The following ZC2HC1B variants were observed in gnomAD, a reference collection of about 807,000 sequenced individuals.
The protein encoded by ZC2HC1B is zinc finger C2HC domain-containing protein 1B.
ZC2HC1B carries 36 observed loss-of-function variants against 31.0 expected under a neutral mutation model. The observed-to-expected ratio is 1.16, with a 90% confidence interval of 0.89 to 1.54. ZC2HC1B has a LOEUF of 1.54. Among genes scored for constraint, ZC2HC1B ranks in the 40% most tolerant of loss-of-function variants. The pLI is 0.00. For missense variants in ZC2HC1B, 260 were observed against 268.6 expected (o/e 0.97, Z 0.22); for synonymous variants, 73 against 88.0 (o/e 0.83, Z 0.95).
chr6:143,930,269 C>G (rs1359538577), intron 6 of ZC2HC1B, among the ~76,000 whole-genome samples: 1 of 150,652 alleles, frequency 6.6e-6, no homozygotes, highest in Non-Finnish European at 1.5e-5. Context: ...TATGTTGTGT[C>G]TCTGTTTCCT....
chr6:143,886,487 C>G lies in ZC2HC1B; in HGVS notation c.211-196C>G, dbSNP rs1246281389. 2.0e-5 allele frequency among the ~76,000 whole-genome samples: 3 copies of G among 151,934 alleles called. No homozygotes were observed. The highest frequency in any genetic ancestry group is 7.3e-5 in the African/African-American group (3 of 41,372). The stretch of plus-strand genomic sequence containing the variant: ...TTTTCTGATTTTTATTTTGTGTTTT[C>G]CCTCACTCTTGTGGCTTGCAAATTA... On this transcript the variant is annotated intron_variant, in intron 3 of 7. Coordinates refer to ENST00000237275, the MANE Select transcript of ZC2HC1B (RefSeq NM_001013623.3). This position sits in a 1 kb window ranked among gnomAD's most constrained non-coding sequence, Gnocchi z 4.2.
rs1433047592 is a variant in ZC2HC1B at position 143,933,658 on chromosome 6, C to T, written c.599-3991C>T. Among the ~76,000 whole-genome samples, 1 of 152,066 alleles carries T rather than the reference C, an allele frequency of 6.6e-6. No homozygotes were observed. The highest frequency in any genetic ancestry group is 1.9e-4 in the East Asian group (1 of 5,166). On this transcript the variant is annotated intron_variant, in intron 6 of 7. Coordinates refer to ENST00000237275, the MANE Select transcript of ZC2HC1B (RefSeq NM_001013623.3). This position sits in a 1 kb window ranked among gnomAD's most constrained non-coding sequence, Gnocchi z 6.4. Reference sequence around the variant, plus strand: ...CCAGCTCCCACACAGTTGGCAAGGCCAGTCTCACTCCCACCGTGCCCTGCT... The same window carrying T: ...CCAGCTCCCACACAGTTGGCAAGGCTAGTCTCACTCCCACCGTGCCCTGCT...
At chr6:143,925,017 G>C (rs959418841) in intron 6 of ZC2HC1B, among the ~76,000 whole-genome samples, 5 of 152,054 alleles carry the variant, frequency 3.3e-5, no homozygotes, top group African/African-American at 9.7e-5. Flanking sequence ...GAGTAAGGAA[G>C]AATTTCCTCC....
At chr6:143,876,947 C>G (rs1429007997) in intron 1 of ZC2HC1B, among the ~76,000 whole-genome samples, 2 of 150,612 alleles carry the variant, frequency 1.3e-5, no homozygotes, top group Non-Finnish European at 3.0e-5. Flanking sequence ...GTGTTAATCT[C>G]CTTTGGCAAC....
chr6:143,913,229 T>TACC lies in ZC2HC1B; in HGVS notation c.598+10078_598+10080dup, dbSNP rs74556150. On this transcript the variant is annotated intron_variant, in intron 6 of 7. Transcript: ENST00000237275. The surrounding 1 kb of genome is among the most constrained non-coding windows in gnomAD (Gnocchi z 5.7). ...GCTGGAGTGTCCAGCTAGAAGGTTC[T>TACC]ACCCAGTGAGGAAGAAGCAGTCTGG... is the stretch of plus-strand genomic sequence containing the variant. Among the ~76,000 whole-genome samples the TACC allele has an allele frequency of 2.4e-3, 367 of 152,294 alleles. 8 individuals are homozygous for TACC. In the East Asian group the frequency reaches 0.062, roughly 26 times the overall value.
At chr6:143,937,248 C>T (rs1287698170) in intron 6 of ZC2HC1B, among the ~76,000 whole-genome samples, 1 of 152,090 alleles carries the variant, frequency 6.6e-6, no homozygotes, top group East Asian at 1.9e-4. Flanking sequence ...CTTATGCTTC[C>T]GTAAGGCTTA....
chr6:143,882,334 TTA>T (rs59777839), intron 1 of ZC2HC1B, among the ~76,000 whole-genome samples: 16,245 of 85,502 alleles, frequency 0.19, 1,372 homozygotes, highest in South Asian at 0.22. Context: ...TTTATATTTT[TTA>T]TATATATATA....
chr6:143,925,165 C>CTTTTTTTTTTTTTTTTTTTTTTT (rs71024879), intron 6 of ZC2HC1B, among the ~76,000 whole-genome samples: 1 of 104,190 alleles, frequency 9.6e-6, no homozygotes, highest in Non-Finnish European at 1.9e-5. Context: ...AATCTCATTC[C>CTTTTTTTTTTTTTTTTTTTTTTT]TTTTTTTTTT....
At chr6:143,936,429 A>C (rs1778179388) in intron 6 of ZC2HC1B, among the ~76,000 whole-genome samples, 1 of 152,230 alleles carries the variant, frequency 6.6e-6, no homozygotes, top group African/African-American at 2.4e-5. Flanking sequence ...GGGTCCAAAA[A>C]TATAAATATT....
chr6:143,882,942 C>G (rs557158835), intron 1 of ZC2HC1B, among the ~76,000 whole-genome samples: 5 of 152,192 alleles, frequency 3.3e-5, no homozygotes, highest in Non-Finnish European at 7.3e-5. Context: ...CTCTTTGCCA[C>G]CTCCTAACTC....
At chr6:143,864,881 T>G (rs1051356331) in intron 1 of ZC2HC1B, among the ~76,000 whole-genome samples, 1 of 152,238 alleles carries the variant, frequency 6.6e-6, no homozygotes, top group African/African-American at 2.4e-5. Context: ...ATGTAAGTAC[T>G]AAAAGGATTG....
At chr6:143,926,828 C>CTTTTTTTT (rs774028763) in intron 6 of ZC2HC1B, among the ~76,000 whole-genome samples, 6 of 78,834 alleles carry the variant, frequency 7.6e-5, no homozygotes, top group Non-Finnish European at 1.5e-4. Flanking sequence ...ATTGTATCTT[C>CTTTTTTTT]TTTTTTTTTT....
intron 6 of ZC2HC1B, among the ~76,000 whole-genome samples, chr6:143,914,776 AAAGTTT>A (rs1483903621): frequency 6.6e-6 from 1 of 151,888 alleles, no homozygotes; most frequent in African/African-American, 2.4e-5. Context: ...TTTTTGACTT[AAAGTTT>A]ATTTTGTCTA....
intron 1 of ZC2HC1B, among the ~76,000 whole-genome samples, chr6:143,882,205 G>C (rs1379648739): frequency 1.3e-5 from 2 of 151,486 alleles, no homozygotes; most frequent in Non-Finnish European, 2.9e-5. Context: ...AAATGTTACT[G>C]TAATATTCAT....
At chr6:143,877,621 A>C (rs889001168) in intron 1 of ZC2HC1B, among the ~76,000 whole-genome samples, 16 of 145,216 alleles carry the variant, frequency 1.1e-4, no homozygotes, top group African/African-American at 4.1e-4. Context: ...TTTTCCTTTA[A>C]TTTTTTTTTT....
In ZC2HC1B at chr6:143,915,706, G is replaced by A. The variant is rs559395855; in HGVS notation, c.598+12554G>A. 1.1e-4 allele frequency among the ~76,000 whole-genome samples: 16 copies of A among 152,166 alleles called. No individual in the cohort carries two copies. Among genetic ancestry groups the A allele is most frequent in the Admixed American group, 2.6e-4 (4 of 15,286 alleles). On this transcript the variant is annotated intron_variant, in intron 6 of 7. Coordinates refer to ENST00000237275, the MANE Select transcript of ZC2HC1B (RefSeq NM_001013623.3). This position sits in a 1 kb window ranked among gnomAD's most constrained non-coding sequence, Gnocchi z 5.2. ...CAAAGGTTCCTCTTGTTATGTTTTA[G>A]CAAAGAGACTGGTGGCATTTTGCCC...
rs117728105 is a variant in ZC2HC1B at position 143,885,714 on chromosome 6, A to G, written c.91-318A>G. Reference sequence around the variant, plus strand: ...TAGCTCTTCAGTTTTTGTATCAGAAATGTTGAATACTTGAAGGACTACTGA... The same window carrying G: ...TAGCTCTTCAGTTTTTGTATCAGAAGTGTTGAATACTTGAAGGACTACTGA... On this transcript the variant is annotated intron_variant, in intron 2 of 7. Coordinates refer to ENST00000237275, the MANE Select transcript of ZC2HC1B (RefSeq NM_001013623.3). This position sits in a 1 kb window ranked among gnomAD's most constrained non-coding sequence, Gnocchi z 4.2. 1.2e-4 allele frequency among the ~76,000 whole-genome samples: 19 copies of G among 152,282 alleles called. No homozygotes were observed. In the East Asian group the frequency reaches 3.7e-3, roughly 29 times the overall value.
chr6:143,886,723 A>ATTT lies in ZC2HC1B; in HGVS notation c.251_252insTTT (p.Glu84delinsAspLeu). The ATTT allele has an allele frequency of 6.5e-7, 1 of 1,547,402 alleles. No individual in the cohort carries two copies. The highest frequency in any genetic ancestry group is 8.7e-7 in the Non-Finnish European group (1 of 1,145,034). On this transcript the variant is annotated protein_altering_variant, in exon 4 of 8. Coordinates refer to ENST00000237275, the MANE Select transcript of ZC2HC1B (RefSeq NM_001013623.3). This position sits in a 1 kb window ranked among gnomAD's most constrained non-coding sequence, Gnocchi z 4.2. ...AAGTCTAACTGGAGACAACAACATG[A>ATTT]AGACTTTATTAATGCAATCCGATCA...
intron 1 of ZC2HC1B, among the ~76,000 whole-genome samples, chr6:143,867,856 TTTCTC>T (rs1489887942): frequency 6.6e-6 from 1 of 152,336 alleles, no homozygotes; most frequent in Middle Eastern, 3.4e-3. Flanking sequence ...GGAATTCCCT[TTTCTC>T]TATCCAGTCT....
Sources: allele counts gnomAD v4.1 joint callset (sites outside exome capture counted in the v4.1 genomes callset), GRCh38; gene constraint gnomAD v4.1.1; non-coding constraint Gnocchi (gnomAD v3.1); transcripts MANE v1.5; gene names NCBI Gene and HGNC (gene_info 2026-07-23, HGNC 2026-07-21).